COL8A1: variants seen among roughly 807,000 people sequenced by gnomAD.
COL8A1 encodes the protein collagen alpha-1(VIII) chain.
A neutral mutation model predicts 42.7 loss-of-function variants in COL8A1; 21 were observed. The observed-to-expected ratio is 0.49, with a 90% CI of 0.35 to 0.71. COL8A1 has a LOEUF of 0.71. Ranked by LOEUF, COL8A1 falls within the 30% of genes least tolerant of loss-of-function variation. The pLI, the probability that COL8A1 is intolerant of heterozygous loss-of-function variation, is 0.01. For synonymous variants in COL8A1, 367 were observed against 369.1 expected, an observed-to-expected ratio of 0.99 and a Z score of 0.06; for missense variants, 788 against 962.4, an observed-to-expected ratio of 0.82 and a Z score of 2.40.
At chr3:99,678,145 C>T (rs914834484) in intron 1 of COL8A1, 1 of 152,062 alleles carries the variant, frequency 6.6e-6, no homozygotes, top group African/African-American at 2.4e-5. Context: ...GGGTGGAACA[C>T]ATTTAAACAG....
chr3:99,767,985 C>A (rs369393851), intron 2 of COL8A1, among the ~76,000 whole-genome samples: 311 of 152,226 alleles, frequency 2.0e-3, no homozygotes, highest in African/African-American at 6.9e-3. Context: ...CAGTAAAATA[C>A]AATGGAAGCT....
At chr3:99,680,074 C>T (rs910859860) in intron 1 of COL8A1, 3 of 152,034 alleles carry the variant, frequency 2.0e-5, no homozygotes, top group African/African-American at 7.3e-5. Flanking sequence ...TATACATGTG[C>T]CATGTTGGTG....
chr3:99,787,021 A>C (rs1258807884), intron 2 of COL8A1, among the ~76,000 whole-genome samples: 1 of 152,126 alleles, frequency 6.6e-6, no homozygotes, highest in Admixed American at 6.6e-5. Context: ...CACCACACAC[A>C]ACAGAGACAC....
At chr3:99,760,654 G>C (rs935439553) in intron 2 of COL8A1, among the ~76,000 whole-genome samples, 34 of 152,128 alleles carry the variant, frequency 2.2e-4, no homozygotes, top group Non-Finnish European at 4.4e-5. Flanking sequence ...ACCATTTTCT[G>C]AGCTAAACAT....
chr3:99,660,138 G>A (rs11715682), intron 1 of COL8A1, among the ~76,000 whole-genome samples: 10 of 152,308 alleles, frequency 6.6e-5, no homozygotes, highest in African/African-American at 9.6e-5. Context: ...CAGGACAAGT[G>A]AGTGTGGTGC....
At chr3:99,700,658 T>TTA (rs1436181743) in intron 1 of COL8A1, among the ~76,000 whole-genome samples, 1 of 152,196 alleles carries the variant, frequency 6.6e-6, no homozygotes, top group African/African-American at 2.4e-5. Context: ...TTTTCCATTT[T>TTA]TACCACCTTT....
intron 2 of COL8A1, among the ~76,000 whole-genome samples, chr3:99,767,713 C>T (rs867017021): frequency 5.3e-5 from 8 of 152,286 alleles, no homozygotes; most frequent in South Asian, 4.1e-4. Context: ...AGTGGATCAA[C>T]ATATAAGGCA....
At chr3:99,739,178 C>T (rs1371785523) in intron 1 of COL8A1, among the ~76,000 whole-genome samples, 1 of 152,192 alleles carries the variant, frequency 6.6e-6, no homozygotes, top group Non-Finnish European at 1.5e-5. Context: ...CAGAAATCAC[C>T]CGTCTTCTGC....
At chr3:99,732,454 A>G (rs934561339) in intron 1 of COL8A1, among the ~76,000 whole-genome samples, 1 of 152,110 alleles carries the variant, frequency 6.6e-6, no homozygotes, top group African/African-American at 2.4e-5. Flanking sequence ...CCTTCTTCAC[A>G]TGGCAGCAGC....
intron 1 of COL8A1, among the ~76,000 whole-genome samples, chr3:99,735,560 T>C (rs1363544820): frequency 1.0e-4 from 15 of 150,744 alleles, no homozygotes; most frequent in African/African-American, 2.7e-4. Flanking sequence ...TGCCAGTATT[T>C]TATTGAGGAT....
In COL8A1 at chr3:99,698,386, C is replaced by T. The variant is rs1206065465; in HGVS notation, c.-128-46511C>T. ...TTCTAGTTCTAGATCCTTGAGGAAT[C>T]GCCACACTGTCTTCCACAATGTGTA... On this transcript the variant is annotated intron_variant, in intron 1 of 3. Transcript: ENST00000652472. Among the ~76,000 whole-genome samples, 6 of 152,194 alleles carry T rather than the reference C, an allele frequency of 3.9e-5. No individual in the cohort carries two copies. In the South Asian group the frequency reaches 6.2e-4, roughly 16 times the overall value.
intron 1 of COL8A1, among the ~76,000 whole-genome samples, chr3:99,702,617 T>G (rs1939572380): frequency 6.6e-6 from 1 of 152,220 alleles, no homozygotes; most frequent in Non-Finnish European, 1.5e-5. Flanking sequence ...ATGTCAGGTG[T>G]ATCAGGTACT....
intron 1 of COL8A1, among the ~76,000 whole-genome samples, chr3:99,705,121 G>A (rs1194447318): frequency 6.6e-6 from 1 of 152,094 alleles, no homozygotes; most frequent in Admixed American, 6.6e-5. Context: ...CCTATATGTT[G>A]TTCTCCTTCC....
intron 1 of COL8A1, among the ~76,000 whole-genome samples, chr3:99,715,185 T>C (rs1419714250): frequency 6.6e-6 from 1 of 152,024 alleles, no homozygotes; most frequent in Non-Finnish European, 1.5e-5. Context: ...TGTATAATTG[T>C]AATGAATCTA....
intron 1 of COL8A1, among the ~76,000 whole-genome samples, chr3:99,734,409 C>A (rs1308109657): frequency 6.7e-6 from 1 of 148,878 alleles, no homozygotes; most frequent in African/African-American, 2.5e-5. Context: ...AATAGGGAAT[C>A]CTTTCCCCAT....
intron 1 of COL8A1, among the ~76,000 whole-genome samples, chr3:99,665,848 A>ATTTTTTT (rs537279334): frequency 2.4e-4 from 32 of 134,284 alleles, no homozygotes; most frequent in Non-Finnish European, 4.7e-4. Context: ...CACTTAGCTA[A>ATTTTTTT]TTTTTTTTTT....
At chr3:99,664,483 A>G (rs903417827) in intron 1 of COL8A1, among the ~76,000 whole-genome samples, 1 of 70,250 alleles carries the variant, frequency 1.4e-5, no homozygotes, top group Non-Finnish European at 3.7e-5. Flanking sequence ...AAAGTATAAT[A>G]AAAAAAAAAT....
intron 1 of COL8A1, among the ~76,000 whole-genome samples, chr3:99,697,009 C>CG (rs1187837533): frequency 1.1e-5 from 1 of 90,862 alleles, no homozygotes; most frequent in East Asian, 3.7e-4. Flanking sequence ...TTTTTTGAGA[C>CG]GGAGTCTCGC....
intron 1 of COL8A1, among the ~76,000 whole-genome samples, chr3:99,656,873 G>A (rs749311447): frequency 6.6e-6 from 1 of 152,210 alleles, no homozygotes; most frequent in Non-Finnish European, 1.5e-5. Context: ...TCTGTCCGTT[G>A]TTATGCATTT....
Sources: gnomAD v4.1 joint callset for allele counts (sites outside exome capture counted in the v4.1 genomes callset) on GRCh38, gnomAD v4.1.1 for gene constraint, MANE v1.5 for transcripts, NCBI Gene and HGNC (gene_info 2026-07-23, HGNC 2026-07-21) for gene names.